Variants in UNC13C observed in about 807,000 individuals in gnomAD.
UNC13C encodes the protein unc-13 homolog C, also known as protein unc-13 homolog C.
A neutral mutation model predicts 245.4 loss-of-function variants in UNC13C; 174 were observed. The observed-to-expected ratio is 0.71, with a 90% CI of 0.63 to 0.80. The LOEUF is 0.80. UNC13C is among the 30% of genes least tolerant of loss of function. The pLI is 0.00. For missense variants in UNC13C, 2,829 were observed against 2,602.9 expected, an observed-to-expected ratio of 1.09 and a Z score of -1.89; for synonymous variants, 992 against 895.1, an observed-to-expected ratio of 1.11 and a Z score of -1.93.
chr15:54,616,320 C>T (rs1233026550), intron 30 of UNC13C, among the ~76,000 whole-genome samples: 1 of 151,968 alleles, frequency 6.6e-6, no homozygotes, highest in South Asian at 2.1e-4. Context: ...GTGACATATA[C>T]CAATGTTACA....
At chr15:53,921,563 A>G in the UNC13C span, among the ~76,000 whole-genome samples, 1 of 152,206 alleles carries the variant, frequency 6.6e-6, no homozygotes, top group African/African-American at 2.4e-5. Context: ...AGAGTTCTCC[A>G]ATCTAATAAC....
At chr15:54,290,232 G>C (rs1435417599) in intron 10 of UNC13C, among the ~76,000 whole-genome samples, 1 of 152,024 alleles carries the variant, frequency 6.6e-6, no homozygotes, top group East Asian at 1.9e-4. Flanking sequence ...AAATGTAAGA[G>C]CTGGCCAGTC....
At chr15:54,105,967 T>G (rs1233993893) in intron 2 of UNC13C, among the ~76,000 whole-genome samples, 1 of 152,194 alleles carries the variant, frequency 6.6e-6, no homozygotes, top group Non-Finnish European at 1.5e-5. Flanking sequence ...AGTTCTATTT[T>G]AAACTTACTA....
At chr15:54,602,827 G>A (rs1468047721) in intron 30 of UNC13C, among the ~76,000 whole-genome samples, 2 of 152,266 alleles carry the variant, frequency 1.3e-5, no homozygotes, top group Non-Finnish European at 1.5e-5. Context: ...TGGATCCTTG[G>A]ACATCAGTTT....
intron 2 of UNC13C, among the ~76,000 whole-genome samples, chr15:54,023,540 G>T (rs557425657): frequency 1.3e-5 from 2 of 152,278 alleles, no homozygotes; most frequent in South Asian, 2.1e-4. Flanking sequence ...TTTATTAGGG[G>T]TGAAGAAGTT....
chr15:54,219,985 T>C (rs1311197106), intron 4 of UNC13C, among the ~76,000 whole-genome samples: 3 of 146,480 alleles, frequency 2.0e-5, no homozygotes, highest in African/African-American at 5.4e-5. Context: ...GGAACACTTT[T>C]ACACCGTTGG....
intron 27 of UNC13C, 118 bp from the exon 28 acceptor site, chr15:54,549,517 G>T (rs953166330): frequency 6.7e-6 from 5 of 742,790 alleles, no homozygotes; most frequent in Non-Finnish European, 8.7e-6. Flanking sequence ...AGGGCATCTG[G>T]CATAAGCCAT....
intron 2 of UNC13C, among the ~76,000 whole-genome samples, chr15:54,142,539 C>T (rs2032070678): frequency 1.3e-5 from 2 of 152,180 alleles, no homozygotes; most frequent in Admixed American, 6.5e-5. Flanking sequence ...AATAAAACAA[C>T]TTTAATCTAC....
intron 10 of UNC13C, among the ~76,000 whole-genome samples, chr15:54,289,438 C>T (rs913844654): frequency 2.6e-5 from 4 of 152,022 alleles, no homozygotes; most frequent in Non-Finnish European, 5.9e-5. Context: ...CTTTCTAGCC[C>T]GAGGTGATTA....
At chr15:54,393,948 C>T (rs189364884) in intron 18 of UNC13C, among the ~76,000 whole-genome samples, 5 of 151,994 alleles carry the variant, frequency 3.3e-5, no homozygotes, top group Admixed American at 2.6e-4. Context: ...TCCAGCTAGG[C>T]ACTTGCAGTC....
the UNC13C span, among the ~76,000 whole-genome samples, chr15:53,887,080 C>T: frequency 6.6e-6 from 1 of 152,070 alleles, no homozygotes; most frequent in Non-Finnish European, 1.5e-5. Context: ...TTAAGAAGAT[C>T]TGAGTAACTA....
At chr15:53,853,129 T>A in the UNC13C span, among the ~76,000 whole-genome samples, 1 of 152,096 alleles carries the variant, frequency 6.6e-6, no homozygotes. Flanking sequence ...ATCTAGGTAT[T>A]AAGCCCAGCA....
In UNC13C at chr15:54,562,594, T is replaced by G. The variant is rs778178644; in HGVS notation, c.5959-5206T>G. 4.7e-4 allele frequency among the ~76,000 whole-genome samples: 71 copies of G among 152,114 alleles called. 1 individual carries two copies. Among genetic ancestry groups the G allele is most frequent in the African/African-American group, 1.7e-3 (70 of 41,538 alleles). ...TTTAAGATGCATTATTATTGGAAAT[T>G]TTTGATGAATGTGTCAAAGAAAAAT... On this transcript the variant is annotated intron_variant, in intron 29 of 32. Coordinates refer to ENST00000260323, the MANE Select transcript of UNC13C (RefSeq NM_001080534.3).
At chr15:54,367,289 C>T (rs2039386408) in intron 17 of UNC13C, among the ~76,000 whole-genome samples, 1 of 152,124 alleles carries the variant, frequency 6.6e-6, no homozygotes, top group South Asian at 2.1e-4. Flanking sequence ...TAGTAGCTCT[C>T]CCTGCAACTA....
intron 4 of UNC13C, among the ~76,000 whole-genome samples, chr15:54,168,240 GTTGCTGGCTACT>G (rs148577701): frequency 0.2 from 29,762 of 151,982 alleles, 3,076 homozygotes; most frequent in South Asian, 0.29. Context: ...TCTTTAAAAA[GTTGCTGGCTACT>G]TTCGCTGGTT....
At chr15:54,021,145 G>A (rs2141003906) in intron 2 of UNC13C, among the ~76,000 whole-genome samples, 1 of 152,140 alleles carries the variant, frequency 6.6e-6, no homozygotes, top group South Asian at 2.1e-4. Context: ...ATTCAAAGAA[G>A]CTAATTAACA....
At position 54,532,024 on chromosome 15, in the gene UNC13C, T is replaced by G. The variant is rs1042459103; in HGVS notation, c.5547-893T>G. ...GGCAGTGGCAGTACTTCATTTTTCT[T>G]GTAAATTTATGTTATGTTCAGGGGT... On this transcript the variant is annotated intron_variant, in intron 25 of 32. Transcript: ENST00000260323. 4.7e-5 allele frequency among the ~76,000 whole-genome samples: 7 copies of G among 149,312 alleles called. 1 individual carries two copies. The South Asian group carries it at 1.3e-3, about 27-fold the overall frequency.
chr15:54,174,938 AGATT>A, intron 4 of UNC13C, among the ~76,000 whole-genome samples: 1 of 152,154 alleles, frequency 6.6e-6, no homozygotes, highest in Non-Finnish European at 1.5e-5. Flanking sequence ...ACCTCACATG[AGATT>A]AAATTTTGCT....
chr15:54,099,993 A>G (rs1900078959), intron 2 of UNC13C, among the ~76,000 whole-genome samples: 1 of 151,236 alleles, frequency 6.6e-6, no homozygotes, highest in Non-Finnish European at 1.5e-5. Flanking sequence ...CCAGCTATTC[A>G]GGAGGCTGGG....
Sources: allele counts gnomAD v4.1 joint callset (sites outside exome capture counted in the v4.1 genomes callset), GRCh38; gene constraint gnomAD v4.1.1; transcripts MANE v1.5; gene names NCBI Gene and HGNC (gene_info 2026-07-23, HGNC 2026-07-21).